The following PCDHGA3 variants were observed in gnomAD, a reference collection of about 807,000 sequenced individuals.
The protein encoded by PCDHGA3 is protocadherin gamma subfamily A, 3.
Under a neutral mutation model 58.5 loss-of-function variants are expected in PCDHGA3, and 40 were observed. That is an observed-to-expected ratio of 0.68 (90% CI 0.53 to 0.89). The LOEUF is 0.89. Ranked by LOEUF, PCDHGA3 falls within the 40% of genes least tolerant of loss-of-function variation. The pLI, the probability that PCDHGA3 is intolerant of heterozygous loss-of-function variation, is 0.00. For synonymous variants in PCDHGA3, 530 were observed against 525.7 expected, an observed-to-expected ratio of 1.01 and a Z score of -0.11; for missense variants, 1,223 against 1,195.9, an observed-to-expected ratio of 1.02 and a Z score of -0.33.
intron 1 of PCDHGA3, chr5:141,374,038 T>C (rs1253900067): frequency 8.3e-6 from 12 of 1,449,244 alleles, no homozygotes; most frequent in South Asian, 1.6e-5. Context: ...GATGCAGATC[T>C]GTTCTTCCTC....
chr5:141,409,990 C>T (rs377295503), intron 1 of PCDHGA3: 1 of 1,613,160 alleles, frequency 6.2e-7, no homozygotes, highest in Non-Finnish European at 8.5e-7. Flanking sequence ...CGGTGGACGC[C>T]GACTCGGGAC....
rs1757575609 is a variant in PCDHGA3 at position 141,345,446 on chromosome 5, C to A, written c.1413C>A (p.Ile471=). The change falls in exon 1 of 4, where the codon ATC becomes ATA. Residue 471 remains isoleucine (I), a synonymous_variant. Transcript: ENST00000253812. ...IPENNPRGAS[I]FSVTAQDPDS... is the part of the protein sequence containing the mutation. ...AAAACAACCCCAGAGGAGCCTCCAT[C>A]TTCTCAGTGACAGCCCAGGACCCAG... The A allele has an allele frequency of 6.2e-7, 1 of 1,614,026 alleles. No individual in the cohort carries two copies. Among genetic ancestry groups the A allele is most frequent in the Non-Finnish European group, 8.5e-7 (1 of 1,180,036 alleles).
chr5:141,393,412 T>A (rs1382243931), intron 1 of PCDHGA3: 3 of 1,614,032 alleles, frequency 1.9e-6, no homozygotes, highest in South Asian at 1.1e-5. Flanking sequence ...GAGCGCGCCC[T>A]GGACAGGGAG....
intron 1 of PCDHGA3, among the ~76,000 whole-genome samples, chr5:141,436,199 A>G (rs576607542): frequency 7.2e-5 from 11 of 152,282 alleles, no homozygotes; most frequent in East Asian, 5.8e-4. Context: ...AAAGAAAGAC[A>G]TAATAGGAAA....
At chr5:141,375,014 G>C in intron 1 of PCDHGA3, 1 of 1,614,004 alleles carries the variant, frequency 6.2e-7, no homozygotes, top group Non-Finnish European at 8.5e-7. Flanking sequence ...AGACTATGAG[G>C]ACTCGAGTTT....
At chr5:141,360,226 G>C in intron 1 of PCDHGA3, 1 of 1,613,764 alleles carries the variant, frequency 6.2e-7, no homozygotes, top group Non-Finnish European at 8.5e-7. Context: ...GGCTCTCCCA[G>C]TCCAGATCCG....
In PCDHGA3 at chr5:141,400,030, C is replaced by T. The variant is rs201599536; in HGVS notation, c.2424+53573C>T. 180 of 1,613,050 alleles carry T rather than the reference C, an allele frequency of 1.1e-4. No individual in the cohort carries two copies. Among genetic ancestry groups the T allele is most frequent in the East Asian group, 1.6e-4 (7 of 44,886 alleles). On this transcript the variant is annotated intron_variant, in intron 1 of 3. Coordinates refer to ENST00000253812, the MANE Select transcript of PCDHGA3 (RefSeq NM_018916.4). Reference sequence around the variant, plus strand: ...TGCCTTGGGCGACAGGGACGCGGCCCGCCAGCGCCTGCTGGTTGCTGTGCG... The same window carrying T: ...TGCCTTGGGCGACAGGGACGCGGCCTGCCAGCGCCTGCTGGTTGCTGTGCG...
At position 141,511,032 on chromosome 5, in the gene PCDHGA3, G is replaced by T. The variant is rs779589499; in HGVS notation, c.2658G>T (p.Gln886His). 6.2e-7 allele frequency: 1 copy of T among 1,614,228 alleles called. No individual in the cohort carries two copies. Among genetic ancestry groups the T allele is most frequent in the South Asian group, 1.1e-5 (1 of 91,090 alleles). ...GCTACGGACCCCAGTTCACCCTGCAGCACGTGCCCGACTACCGCCAGAATG... is the reference window on the plus strand; with the variant it reads ...GCTACGGACCCCAGTTCACCCTGCATCACGTGCCCGACTACCGCCAGAATG... ...SARYGPQFTLQHVPDYRQNVY... is the reference protein window; with the variant it reads ...SARYGPQFTLHHVPDYRQNVY... Residue 886 changes from glutamine (Q) to histidine (H), a missense_variant, in exon 4 of 4, where the codon CAG (glutamine) becomes CAT (histidine). Gln to His is a conservative substitution (Grantham distance 24, BLOSUM62 0). Coordinates refer to ENST00000253812, the MANE Select transcript of PCDHGA3 (RefSeq NM_018916.4).
chr5:141,379,295 G>A (rs928710321), intron 1 of PCDHGA3: 3 of 152,044 alleles, frequency 2.0e-5, no homozygotes, highest in African/African-American at 7.2e-5. Context: ...AGTTTCCAAA[G>A]GTATATACCT....
chr5:141,454,796 A>ATTTTTTTTTTTTTTTTTTTTTTTTTTTT (rs61612330), intron 1 of PCDHGA3, among the ~76,000 whole-genome samples: 3 of 77,456 alleles, frequency 3.9e-5, no homozygotes, highest in Admixed American at 1.8e-4. Flanking sequence ...CATGGTTCTA[A>ATTTTTTTTTTTTTTTTTTTTTTTTTTTT]TTTTTTTTTT....
intron 1 of PCDHGA3, among the ~76,000 whole-genome samples, chr5:141,450,259 C>A (rs1243327669): frequency 6.6e-6 from 1 of 152,118 alleles, no homozygotes; most frequent in East Asian, 1.9e-4. Context: ...CTCAAGTGAT[C>A]TGCCCACCTC....
In PCDHGA3 at chr5:141,344,366, G is replaced by A. The variant is rs376488633; in HGVS notation, c.333G>A (p.Glu111=). Residue 111 remains glutamate, a synonymous_variant, in exon 1 of 4, where the codon GAG becomes GAA. Transcript: ENST00000253812. ...LCLVKINILV[E]DKLKIFEVEI... is the part of the protein sequence containing the mutation. ...TGGTAAAAATTAACATTCTGGTTGAGGATAAATTGAAAATTTTTGAAGTAG... is the reference window on the plus strand; with the variant it reads ...TGGTAAAAATTAACATTCTGGTTGAAGATAAATTGAAAATTTTTGAAGTAG... The A allele has an allele frequency of 4.3e-6, 7 of 1,613,332 alleles. No individual in the cohort carries two copies. The highest frequency in any genetic ancestry group is 5.9e-6 in the Non-Finnish European group (7 of 1,179,790).
intron 1 of PCDHGA3, 41 bp from the exon 2 acceptor site, chr5:141,494,766 C>T (rs1017994327): frequency 6.2e-7 from 1 of 1,614,038 alleles, no homozygotes; most frequent in Non-Finnish European, 8.5e-7. Flanking sequence ...ATTCTAACTT[C>T]TCACGGGTAC....
chr5:141,430,477 A>G (rs1329218924), intron 1 of PCDHGA3: 1 of 244,524 alleles, frequency 4.1e-6, no homozygotes, highest in Non-Finnish European at 7.7e-6. Context: ...TATTTAAGAT[A>G]TAAAAACGAA....
At chr5:141,404,815 G>A in intron 1 of PCDHGA3, 2 of 1,610,532 alleles carry the variant, frequency 1.2e-6, no homozygotes, top group South Asian at 1.1e-5. Flanking sequence ...CGGTGGGGCT[G>A]CACACAGGTG....
At chr5:141,351,552 G>A in intron 1 of PCDHGA3, 2 of 1,614,026 alleles carry the variant, frequency 1.2e-6, no homozygotes, top group Non-Finnish European at 1.7e-6. Flanking sequence ...CTTTCCTCCA[G>A]GACAAGCATC....
intron 1 of PCDHGA3, chr5:141,366,307 GGTCACCGTTGCC>G: frequency 5.6e-6 from 9 of 1,613,748 alleles, no homozygotes; most frequent in Non-Finnish European, 7.6e-6. Flanking sequence ...CCACCTTCAC[GGTCACCGTTGCC>G]GTGGCCGACA....
At chr5:141,371,942 G>T (rs902262957) in intron 1 of PCDHGA3, 1 of 1,613,292 alleles carries the variant, frequency 6.2e-7, no homozygotes, top group Non-Finnish European at 8.5e-7. Context: ...TGGTGTTCGC[G>T]CAGCGAGCCT....
Position 141,489,153 on chromosome 5 carries a change from G to T in PCDHGA3, c.2425-5654G>T. 1 of 935,828 alleles carries T rather than the reference G, an allele frequency of 1.1e-6. No individual in the cohort carries two copies. Among genetic ancestry groups the T allele is most frequent in the South Asian group, 1.8e-5 (1 of 55,006 alleles). 58.0% of individuals were successfully genotyped at this position (935,828 alleles called of 1,614,324 possible). A position where few individuals can be genotyped will look rare whatever the true frequency, so the allele number is the denominator to read the frequency against. Reference sequence around the variant, plus strand: ...TTTAAGAGGCTGGAAGGAGACATAAGAGACTTCAGCTGCTGCATTCCAAGC... The same window carrying T: ...TTTAAGAGGCTGGAAGGAGACATAATAGACTTCAGCTGCTGCATTCCAAGC... On this transcript the variant is annotated intron_variant, in intron 1 of 3. Transcript: ENST00000253812. The surrounding 1 kb of genome is among the most constrained non-coding windows in gnomAD (Gnocchi z 4.5).
Sources: gnomAD v4.1 joint callset for allele counts (sites outside exome capture counted in the v4.1 genomes callset) on GRCh38, gnomAD v4.1.1 for gene constraint, Gnocchi (gnomAD v3.1) non-coding constraint, MANE v1.5 for transcripts, NCBI Gene and HGNC (gene_info 2026-07-23, HGNC 2026-07-21) for gene names.